BZW2: variants seen among roughly 807,000 people sequenced by gnomAD.
BZW2 encodes eIF5-mimic protein 1.
A neutral mutation model predicts 53.2 loss-of-function variants in BZW2; 23 were observed. The ratio of observed to expected loss-of-function variants is 0.43; its 90% CI spans 0.31 to 0.61. BZW2 has a LOEUF of 0.61. Ranked by LOEUF, BZW2 falls within the 20% of genes least tolerant of loss-of-function variation. The pLI, the probability that BZW2 is intolerant of heterozygous loss-of-function variation, is 0.09. For missense variants in BZW2, 409 were observed against 503.1 expected (o/e 0.81, Z 1.79); for synonymous variants, 227 against 186.4 (o/e 1.22, Z -1.77).
intron 10 of BZW2, 85 bp downstream of exon 10, chr7:16,698,271 CA>C: frequency 1.3e-6 from 2 of 1,535,738 alleles, no homozygotes; most frequent in Non-Finnish European, 1.8e-6. Context: ...CAGAGGAGGT[CA>C]TGGGGCTCTG....
At chr7:16,705,413 C>T (rs562675897) in intron 11 of BZW2, among the ~76,000 whole-genome samples, 13 of 149,040 alleles carry the variant, frequency 8.7e-5, no homozygotes, top group East Asian at 4.0e-4. Context: ...AGGCCAGGCA[C>T]GGTGGCTCAC....
At chr7:16,658,185 C>T (rs1782166520) in intron 1 of BZW2, among the ~76,000 whole-genome samples, 2 of 152,066 alleles carry the variant, frequency 1.3e-5, no homozygotes, top group African/African-American at 4.8e-5. Flanking sequence ...CTTAAGGGAC[C>T]TCTTAGAAAA....
chr7:16,682,145 G>A (rs984323919), intron 4 of BZW2, among the ~76,000 whole-genome samples: 2 of 152,160 alleles, frequency 1.3e-5, no homozygotes, highest in African/African-American at 4.8e-5. Context: ...AATATAGCCT[G>A]TGTGTAGGAG....
chr7:16,654,400 G>A (rs1782067820), intron 1 of BZW2, among the ~76,000 whole-genome samples: 1 of 151,516 alleles, frequency 6.6e-6, no homozygotes, highest in African/African-American at 2.4e-5. Context: ...GAATATCACT[G>A]AATCAAGTTA....
intron 3 of BZW2, among the ~76,000 whole-genome samples, chr7:16,679,324 A>G (rs1019635705): frequency 6.6e-6 from 1 of 152,212 alleles, no homozygotes; most frequent in Non-Finnish European, 1.5e-5. Context: ...TGAAATCTTC[A>G]CAATTTATGT....
intron 2 of BZW2, among the ~76,000 whole-genome samples, chr7:16,669,141 T>G (rs1358698330): frequency 6.6e-6 from 1 of 152,226 alleles, no homozygotes; most frequent in Non-Finnish European, 1.5e-5. Flanking sequence ...TTGTTTTTGT[T>G]GTTGGAGACA....
At position 16,706,285 on chromosome 7, in the gene BZW2, A is replaced by G. The variant is rs1043097099; in HGVS notation, c.*197A>G. ...GGAGCCCTGAGGCATCAGCTATTAT[A>G]CTTGGGACTCTACCTCTCACTCACT... is the stretch of plus-strand genomic sequence containing the variant. On this transcript the variant is annotated 3_prime_UTR_variant, in exon 12 of 12. Transcript: ENST00000258761. 28 of 579,276 alleles carry G rather than the reference A, an allele frequency of 4.8e-5. No individual in the cohort carries two copies. Among genetic ancestry groups the G allele is most frequent in the Non-Finnish European group, 8.2e-5 (27 of 331,234 alleles). The allele number at this position is 579,276 out of a possible 1,614,324, so 35.9% of individuals were successfully genotyped here. A position where few individuals can be genotyped will look rare whatever the true frequency, so the allele number is the denominator to read the frequency against.
At chr7:16,659,320 C>A (rs1782194785) in intron 1 of BZW2, among the ~76,000 whole-genome samples, 1 of 151,992 alleles carries the variant, frequency 6.6e-6, no homozygotes, top group Non-Finnish European at 1.5e-5. Flanking sequence ...TTTGTACTGG[C>A]TGAGTGATTT....
rs550967493 is a variant in BZW2 at position 16,666,261 on chromosome 7, C to T, written c.58+760C>T. On this transcript the variant is annotated intron_variant, in intron 2 of 11. Transcript: ENST00000258761. ...AGGTGCACACCACCACACCTGGCTA[C>T]GTTTTAAAAAAATTTTTTTGTAGAG... Among the ~76,000 whole-genome samples, 6 of 151,346 alleles carry T rather than the reference C, an allele frequency of 4.0e-5. No homozygotes were observed. The East Asian group carries it at 1.2e-3, about 30-fold the overall frequency.
chr7:16,685,870 C>CTT (rs1318659590), intron 5 of BZW2, 35 bp from the exon 6 acceptor site: 10 of 1,426,552 alleles, frequency 7.0e-6, no homozygotes, highest in East Asian at 2.6e-5. Context: ...TTTTCTTTTT[C>CTT]TTTTTCTTTT....
chr7:16,674,383 G>C (rs1051115280), intron 2 of BZW2, 29 bp from the exon 3 acceptor site: 1 of 1,466,166 alleles, frequency 6.8e-7, no homozygotes, highest in Admixed American at 2.0e-5. Context: ...TTATTTATTT[G>C]ACTGTTATTT....
chr7:16,699,367 A>G (rs981124037), intron 10 of BZW2, among the ~76,000 whole-genome samples: 11 of 152,328 alleles, frequency 7.2e-5, no homozygotes, highest in African/African-American at 2.6e-4. Context: ...CCTGCAAGCC[A>G]TGTTACCAAT....
intron 10 of BZW2, chr7:16,698,391 G>T (rs1783570389): frequency 1.8e-6 from 1 of 547,652 alleles, no homozygotes; most frequent in Admixed American, 3.2e-5. Flanking sequence ...TGGAAACCCT[G>T]CTTAGGCCCC....
chr7:16,657,006 C>G (rs1419959906), intron 1 of BZW2, among the ~76,000 whole-genome samples: 1 of 152,120 alleles, frequency 6.6e-6, no homozygotes, highest in East Asian at 1.9e-4. Flanking sequence ...CTGCTCCAGC[C>G]TTGGAGTCAG....
chr7:16,646,259 C>T lies in BZW2; in HGVS notation c.-37C>T. 3.4e-6 allele frequency: 1 copy of T among 291,046 alleles called. No homozygotes were observed. Among genetic ancestry groups the T allele is most frequent in the South Asian group, 2.7e-5 (1 of 36,530 alleles). 18.0% of individuals were successfully genotyped at this position (291,046 alleles called of 1,614,324 possible). ...TGCACGAATCGCCGCAGCCCCCAGC[C>T]TTGCGCGTCGTCGCTACCTCCTCGG... On this transcript the variant is annotated 5_prime_UTR_variant, in exon 1 of 12. Coordinates refer to ENST00000258761, the MANE Select transcript of BZW2 (RefSeq NM_014038.3).
intron 10 of BZW2, among the ~76,000 whole-genome samples, chr7:16,703,244 C>T (rs2128371776): frequency 6.6e-6 from 1 of 152,256 alleles, no homozygotes; most frequent in South Asian, 2.1e-4. Context: ...ATAAGTAAAT[C>T]CAGACTTCTT....
At chr7:16,665,121 C>A (rs1454625726) in intron 1 of BZW2, among the ~76,000 whole-genome samples, 1 of 152,040 alleles carries the variant, frequency 6.6e-6, no homozygotes, top group Non-Finnish European at 1.5e-5. Context: ...ACCTGGCCAC[C>A]ATGGTGAAAC....
intron 1 of BZW2, among the ~76,000 whole-genome samples, chr7:16,661,938 T>A (rs1443354139): frequency 1.3e-5 from 2 of 152,120 alleles, no homozygotes; most frequent in African/African-American, 4.8e-5. Flanking sequence ...GTATTTTTAG[T>A]TATTAGATTT....
chr7:16,696,566 T>C (rs1167977948), intron 8 of BZW2, among the ~76,000 whole-genome samples: 2 of 152,212 alleles, frequency 1.3e-5, no homozygotes, highest in East Asian at 3.8e-4. Flanking sequence ...ACAACGCTGT[T>C]GCCTTCTTTA....
Sources: gnomAD v4.1 joint callset for allele counts (sites outside exome capture counted in the v4.1 genomes callset) on GRCh38, gnomAD v4.1.1 for gene constraint, MANE v1.5 for transcripts, NCBI Gene and HGNC (gene_info 2026-07-23, HGNC 2026-07-21) for gene names.